Variants in HERC2 observed in about 807,000 individuals in gnomAD.
The protein encoded by HERC2 is E3 ubiquitin-protein ligase HERC2.
In HERC2, 102 loss-of-function variants were observed where a neutral mutation model predicts 537.7. The ratio of observed to expected loss-of-function variants is 0.19; its 90% confidence interval spans 0.16 to 0.22. The LOEUF (loss-of-function observed/expected upper bound fraction) is 0.22. Among genes scored for constraint, HERC2 ranks in the 10% least tolerant of loss-of-function variants. The pLI, the probability that HERC2 is intolerant of heterozygous loss-of-function variation, is 1.00. For synonymous variants in HERC2, 2,224 were observed against 2,466.2 expected, an observed-to-expected ratio of 0.90 and a Z score of 2.91; for missense variants, 4,236 against 6,198.2, an observed-to-expected ratio of 0.68 and a Z score of 10.63.
At chr15:28,192,301 T>C in intron 52 of HERC2, 150 bp from the exon 53 acceptor site, 1 of 643,432 alleles carries the variant, frequency 1.6e-6, no homozygotes, top group Admixed American at 3.1e-5. Context: ...ATGGTTTCCC[T>C]AGTCAAGATA....
Position 28,113,377 on chromosome 15 carries a change from T to C in HERC2, c.14020-94A>G, listed in dbSNP as rs1177626904. ...GCTCCCTCTCTACACCAAGGCCTGT[T>C]TGGGGTGGGGAAAGGTCTGGGGGCT... On this transcript the variant is annotated intron_variant, in intron 91 of 92. Coordinates refer to ENST00000261609, the MANE Select transcript of HERC2 (RefSeq NM_004667.6). The surrounding 1 kb of genome is among the most constrained non-coding windows in gnomAD (Gnocchi z 7.0). 2.2e-6 allele frequency: 3 copies of C among 1,365,376 alleles called. No homozygotes were observed. Among genetic ancestry groups the C allele is most frequent in the Non-Finnish European group, 3.1e-6 (3 of 974,452 alleles). The allele number at this position is 1,365,376 out of a possible 1,614,324, so 84.6% of individuals were successfully genotyped here.
chr15:28,132,860 A>T, intron 79 of HERC2, 30 bp from the exon 80 acceptor site: 1 of 1,482,038 alleles, frequency 6.7e-7, no homozygotes, highest in East Asian at 2.5e-5. Flanking sequence ...TATAATGGAA[A>T]CACATTTTTA....
chr15:28,113,467 T>G lies in HERC2; in HGVS notation c.14019+106A>C. On this transcript the variant is annotated intron_variant, in intron 91 of 92. Transcript: ENST00000261609. The surrounding 1 kb of genome is among the most constrained non-coding windows in gnomAD (Gnocchi z 7.0). ...GGGACGCGCTCAGAGTGCACTCCCT[T>G]CAGTCAACACACAGGGCAAGGTTCT... is the stretch of plus-strand genomic sequence containing the variant. The G allele has an allele frequency of 8.9e-7, 1 of 1,124,108 alleles. No homozygotes were observed. The highest frequency in any genetic ancestry group is 1.3e-6 in the Non-Finnish European group (1 of 753,104). 69.6% of individuals were successfully genotyped at this position (1,124,108 alleles called of 1,614,324 possible).
intron 4 of HERC2, 125 bp downstream of exon 4, chr15:28,292,763 A>T: frequency 1.0e-6 from 1 of 985,402 alleles, no homozygotes; most frequent in Non-Finnish European, 1.5e-6. Context: ...TTTTACCACA[A>T]TATTTAAATT....
intron 2 of HERC2, among the ~76,000 whole-genome samples, chr15:28,304,284 A>T (rs2076718892): frequency 6.6e-6 from 1 of 151,124 alleles, no homozygotes; most frequent in Non-Finnish European, 1.5e-5. Context: ...TGGAGTTTTC[A>T]GGTTTTTCCA....
At chr15:28,169,977 C>T (rs565846517) in intron 65 of HERC2, among the ~76,000 whole-genome samples, 20 of 152,256 alleles carry the variant, frequency 1.3e-4, no homozygotes, top group African/African-American at 4.3e-4. Flanking sequence ...TTTCTTACCC[C>T]GGTAAGACAA....
Position 28,113,220 on chromosome 15 carries a change from C to T in HERC2, c.14083G>A (p.Glu4695Lys), listed in dbSNP as rs1225627757. ...LKSVATYKGI[E>K]PSASLIQWFW... ...CACTGGATCAGCGATGCGGAAGGCT[C>T]GATGCCTTTATAGGTGGCCACCGAC... The change falls in exon 92 of 93, where the codon GAG becomes AAG. Residue 4695 changes from glutamate (E) to lysine (K), a missense_variant. This residue lies in a region of HERC2 where 313 missense variants were observed against 462.6 expected (regional missense o/e 0.68). Transcript: ENST00000261609. The surrounding 1 kb of genome is among the most constrained non-coding windows in gnomAD (Gnocchi z 7.0). The T allele has an allele frequency of 1.2e-6, 2 of 1,614,102 alleles. No homozygotes were observed. The highest frequency in any genetic ancestry group is 1.7e-5 in the Admixed American group (1 of 60,024).
chr15:28,240,036 A>T (rs113889502), intron 23 of HERC2, among the ~76,000 whole-genome samples: 1 of 147,048 alleles, frequency 6.8e-6, no homozygotes, highest in Non-Finnish European at 1.5e-5. Flanking sequence ...CTTATAGACA[A>T]GATAATGATA....
chr15:28,152,135 G>A (rs80135655), intron 70 of HERC2, among the ~76,000 whole-genome samples: 10,608 of 152,240 alleles, frequency 0.07, 904 homozygotes, highest in East Asian at 0.42. Context: ...CCTCCGAATC[G>A]GGCAGCACCT....
intron 2 of HERC2, chr15:28,320,349 G>C (rs1483050440): frequency 6.6e-6 from 1 of 152,302 alleles, no homozygotes; most frequent in African/African-American, 2.4e-5. Context: ...CCTGACCTCA[G>C]GGCATCCACC....
rs1394665481 is a variant in HERC2 at position 28,308,433 on chromosome 15, C to T, written c.73-8917G>A. Among the ~76,000 whole-genome samples, 5 of 152,314 alleles carry T rather than the reference C, an allele frequency of 3.3e-5. No individual in the cohort carries two copies. In the East Asian group the frequency reaches 5.8e-4, roughly 18 times the overall value. On this transcript the variant is annotated intron_variant, in intron 2 of 92. Transcript: ENST00000261609. ...ACTGCAATTGTATTGAATTTATCGG[C>T]TCTAATCATTTTCTTGTGGAGTCTT...
intron 70 of HERC2, among the ~76,000 whole-genome samples, chr15:28,150,206 C>T (rs1250519812): frequency 6.6e-6 from 1 of 151,958 alleles, no homozygotes; most frequent in Non-Finnish European, 1.5e-5. Context: ...TAACCGAGAA[C>T]ATCACCGAGA....
At chr15:28,167,265 G>A (rs1204583933) in intron 68 of HERC2, among the ~76,000 whole-genome samples, 1 of 152,224 alleles carries the variant, frequency 6.6e-6, no homozygotes, top group Non-Finnish European at 1.5e-5. Context: ...AGCAATGCGT[G>A]AGTCCTAATG....
rs376968942 is a variant in HERC2, at chr15:28,214,704, G to A, written c.6309C>T (p.Phe2103=). 7.4e-6 allele frequency: 12 copies of A among 1,611,928 alleles called. No individual in the cohort carries two copies. Among genetic ancestry groups the A allele is most frequent in the Non-Finnish European group, 9.3e-6 (11 of 1,179,862 alleles). The change falls in exon 40 of 93, where the codon TTC becomes TTT. Residue 2103 remains phenylalanine (F), a synonymous_variant. Coordinates refer to ENST00000261609, the MANE Select transcript of HERC2 (RefSeq NM_004667.6). ...AGCAGGTAGTGAGCAAGCTTCCCAA[G>A]AAGTCAAACAGCTTCTCCACGAGGC... ...MKCLVEKLFD[F]LGSLLTTCSS...
rs752524955 is a variant in HERC2, at chr15:28,111,997, A to T, written c.14271T>A (p.Pro4757=). 12 of 1,613,986 alleles carry T rather than the reference A, an allele frequency of 7.4e-6. No homozygotes were observed. The South Asian group carries it at 1.3e-4, about 18-fold the overall frequency. The change falls in exon 93 of 93, where the codon CCT becomes CCA. Residue 4757 remains proline (P), a synonymous_variant. Coordinates refer to ENST00000261609, the MANE Select transcript of HERC2 (RefSeq NM_004667.6). ...GCAAGAAGAAACAGGTGTAGGACTC[A>T]GGGAGGAAGTGGTCTGGAGGGTTGT... ...DKYNPPDHFL[P]ESYTCFFLLK...
At chr15:28,123,849 C>T (rs11074322) in intron 85 of HERC2, among the ~76,000 whole-genome samples, 188 bp downstream of exon 85, 129,311 of 152,238 alleles carry the variant, frequency 0.85, 58,349 homozygotes, top group Non-Finnish European at 0.99. Context: ...CAAAAGGGAA[C>T]AGATTTTTGT....
At chr15:28,231,053 G>A (rs1324890244) in intron 30 of HERC2, among the ~76,000 whole-genome samples, 1 of 151,968 alleles carries the variant, frequency 6.6e-6, no homozygotes, top group Non-Finnish European at 1.5e-5. Context: ...TGTCCACCCT[G>A]GTCCAGTTCA....
At chr15:28,162,854 G>A (rs563288640) in intron 69 of HERC2, among the ~76,000 whole-genome samples, 257 of 152,346 alleles carry the variant, frequency 1.7e-3, no homozygotes, top group African/African-American at 5.8e-3. Flanking sequence ...TGGCGCCACT[G>A]CACTCTAGCC....
intron 68 of HERC2, among the ~76,000 whole-genome samples, chr15:28,163,777 C>G (rs2142449285): frequency 6.6e-6 from 1 of 152,304 alleles, no homozygotes; most frequent in East Asian, 1.9e-4. Context: ...CAGTCTCTCT[C>G]TCTCCTTGGG....
Sources: allele counts gnomAD v4.1 joint callset (sites outside exome capture counted in the v4.1 genomes callset), GRCh38; gene constraint gnomAD v4.1.1; regional missense constraint gnomAD v4.1.1; non-coding constraint Gnocchi (gnomAD v3.1); transcripts MANE v1.5; gene names NCBI Gene and HGNC (gene_info 2026-07-23, HGNC 2026-07-21).